TCP11: variants seen among roughly 807,000 people sequenced by gnomAD.
TCP11 encodes t-complex 11.
Under a neutral mutation model 45.0 loss-of-function variants are expected in TCP11, and 34 were observed. The ratio of observed to expected loss-of-function variants is 0.76; its 90% CI spans 0.57 to 1.01. TCP11 has a LOEUF of 1.01. Ranked by LOEUF, TCP11 falls within the 50% of genes least tolerant of loss-of-function variation. The pLI is 0.00. For synonymous variants in TCP11, 227 were observed against 227.0 expected, an observed-to-expected ratio of 1.00 and a Z score of 0.00; for missense variants, 523 against 598.1, an observed-to-expected ratio of 0.87 and a Z score of 1.31.
chr6:35,123,231 G>A (rs1488591440), intron 4 of TCP11, among the ~76,000 whole-genome samples: 1 of 152,122 alleles, frequency 6.6e-6, no homozygotes. Context: ...CTCTTGATTG[G>A]CTCTGACTGG....
chr6:35,126,426 A>G (rs1272047449), intron 4 of TCP11, among the ~76,000 whole-genome samples: 1 of 152,186 alleles, frequency 6.6e-6, no homozygotes, highest in Non-Finnish European at 1.5e-5. Context: ...ACTCCATTGC[A>G]TTGCATCTGC....
rs1232463911 is a variant in TCP11 at position 35,122,125 on chromosome 6, C to T, written c.570G>A (p.Trp190Ter). The T allele has an allele frequency of 3.1e-6, 5 of 1,614,030 alleles. No homozygotes were observed. Among genetic ancestry groups the T allele is most frequent in the African/African-American group, 1.3e-5 (1 of 74,904 alleles). ...QKLENITDPV[W>*]LLRGIFQVLG... is the part of the protein sequence containing the mutation. ...AGTATCAAGTTTCATACCTCAGTAGCCAAACAGGATCCGTAATGTTTTCTA... is the reference window on the plus strand; with the variant it reads ...AGTATCAAGTTTCATACCTCAGTAGTCAAACAGGATCCGTAATGTTTTCTA... The change falls in exon 5 of 10, where the codon TGG (tryptophan) becomes TGA (stop). Residue 190 changes from tryptophan to a stop codon, truncating the protein, a stop_gained. Transcript: ENST00000311875. LOFTEE classifies it high-confidence loss of function.
rs1304221143 is a variant in TCP11, at chr6:35,118,231, T to C, written c.*38A>G. On this transcript the variant is annotated 3_prime_UTR_variant, in exon 10 of 10. Coordinates refer to ENST00000311875, the MANE Select transcript of TCP11 (RefSeq NM_001370687.1). Reference sequence around the variant, plus strand: ...TACTCCAGGAAGATGATGGGCCTCCTCTTGGGTCCAAGGTACCAGGGCTCT... The same window carrying C: ...TACTCCAGGAAGATGATGGGCCTCCCCTTGGGTCCAAGGTACCAGGGCTCT... 2 of 1,566,966 alleles carry C rather than the reference T, an allele frequency of 1.3e-6. No individual in the cohort carries two copies. Among genetic ancestry groups the C allele is most frequent in the Non-Finnish European group, 1.8e-6 (2 of 1,138,284 alleles).
At chr6:35,138,181 T>G in intron 2 of TCP11, among the ~76,000 whole-genome samples, 1 of 151,922 alleles carries the variant, frequency 6.6e-6, no homozygotes, top group South Asian at 2.1e-4. Context: ...AGTTTGGAGG[T>G]TCCTCAAAAA....
chr6:35,127,362 A>C (rs138038195), intron 4 of TCP11, among the ~76,000 whole-genome samples: 2 of 152,318 alleles, frequency 1.3e-5, no homozygotes, highest in Non-Finnish European at 2.9e-5. Context: ...GGTTAATGGA[A>C]AACCACAACA....
chr6:35,118,309 G>A lies in TCP11; in HGVS notation c.1472C>T (p.Ser491Phe), dbSNP rs2127632813. ...TTTTGTTTCCAGTGCCTGGGCTGGG[G>A]AAATGAGGGTTTTTAGGATCTCAGT... ...YYTEILKTLI[S>F]PAQALETKVE... The change falls in exon 10 of 10, where the codon TCC becomes TTC. Residue 491 changes from serine (S) to phenylalanine (F), a missense_variant. Ser to Phe is a radical substitution (Grantham distance 155). Transcript: ENST00000311875. The A allele has an allele frequency of 6.2e-7, 1 of 1,614,196 alleles. No homozygotes were observed. Among genetic ancestry groups the A allele is most frequent in the Non-Finnish European group, 8.5e-7 (1 of 1,180,032 alleles).
chr6:35,138,609 G>A (rs1487192323), intron 2 of TCP11, among the ~76,000 whole-genome samples: 2 of 151,778 alleles, frequency 1.3e-5, no homozygotes, highest in African/African-American at 2.4e-5. Flanking sequence ...GGGGTTGGGG[G>A]GTTGCAGGGA....
chr6:35,134,404 C>G (rs964336866), intron 3 of TCP11, among the ~76,000 whole-genome samples: 1 of 151,742 alleles, frequency 6.6e-6, no homozygotes, highest in Non-Finnish European at 1.5e-5. Context: ...CCTCAGCCTC[C>G]TGAGTAGCTG....
In TCP11 at chr6:35,131,371, C is replaced by T. The variant is rs190598744; in HGVS notation, c.237-2189G>A. Among the ~76,000 whole-genome samples the T allele has an allele frequency of 9.7e-3, 1,479 of 152,160 alleles. 7 individuals are homozygous for T. Among genetic ancestry groups the T allele is most frequent in the Non-Finnish European group, 0.015 (1,049 of 68,010 alleles). On this transcript the variant is annotated intron_variant, in intron 3 of 9. Transcript: ENST00000311875. ...TCACCTGAGGCCAGGAGTTCGAGACCGGCCTGGCCAATATGGCAAAACCCT... is the reference window on the plus strand; with the variant it reads ...TCACCTGAGGCCAGGAGTTCGAGACTGGCCTGGCCAATATGGCAAAACCCT...
chr6:35,131,522 T>G (rs975220668), intron 3 of TCP11, among the ~76,000 whole-genome samples: 6 of 152,078 alleles, frequency 3.9e-5, no homozygotes, highest in Admixed American at 2.6e-4. Context: ...GAGCCGAGAT[T>G]GTGCCACCGC....
At chr6:35,127,213 C>T (rs908842846) in intron 4 of TCP11, among the ~76,000 whole-genome samples, 3 of 152,168 alleles carry the variant, frequency 2.0e-5, no homozygotes, top group Non-Finnish European at 4.4e-5. Context: ...AAAGGAGTTA[C>T]TGTACTGGAT....
intron 3 of TCP11, among the ~76,000 whole-genome samples, chr6:35,133,792 G>GAA (rs960372968): frequency 7.1e-6 from 1 of 140,010 alleles, no homozygotes. Context: ...TTTCATCTCA[G>GAA]AAAAAAAAAA....
rs374423102 is a variant in TCP11, at chr6:35,136,178, A to G, written c.165T>C (p.Val55=). 8.7e-6 allele frequency: 14 copies of G among 1,613,438 alleles called. No individual in the cohort carries two copies. The highest frequency in any genetic ancestry group is 1.2e-5 in the Non-Finnish European group (14 of 1,179,806). ...VTGLTETVNE[V]SKLSNKIGMN... The stretch of plus-strand genomic sequence containing the variant: ...TCCCAATCTTGTTGCTCAGCTTGGA[A>G]ACTTCATTAACGGTTTCTGTCAGAC... Residue 55 remains valine, a synonymous_variant, in exon 3 of 10, where the codon GTT becomes GTC. Coordinates refer to ENST00000311875, the MANE Select transcript of TCP11 (RefSeq NM_001370687.1).
At position 35,135,960 on chromosome 6, in the gene TCP11, T is replaced by C. The variant is rs940865904; in HGVS notation, c.236+147A>G. On this transcript the variant is annotated intron_variant, in intron 3 of 9. Coordinates refer to ENST00000311875, the MANE Select transcript of TCP11 (RefSeq NM_001370687.1). ...TTTGGTACTAATAATTACAACTTAG[T>C]ACTCTTCTGTTTAAGTTGTTGAGAC... 2.1e-5 allele frequency: 11 copies of C among 534,484 alleles called. No homozygotes were observed. The African/African-American group carries it at 2.1e-4, about 10-fold the overall frequency. 33.1% of individuals were successfully genotyped at this position (534,484 alleles called of 1,614,324 possible).
rs1190707828 is a variant in TCP11, at chr6:35,124,103, A to AT, written c.358-1767dup. Among the ~76,000 whole-genome samples, 3 of 152,130 alleles carry AT rather than the reference A, an allele frequency of 2.0e-5. No homozygotes were observed. The East Asian group carries it at 5.8e-4, about 29-fold the overall frequency. On this transcript the variant is annotated intron_variant, in intron 4 of 9. Transcript: ENST00000311875. ...GCCACCACAGCCAGCCCCTTTTCGG[A>AT]TTTTTGAGGCAACATGCACCACATT... is the stretch of plus-strand genomic sequence containing the variant.
intron 3 of TCP11, among the ~76,000 whole-genome samples, chr6:35,134,054 G>C (rs1250061019): frequency 6.6e-6 from 1 of 152,066 alleles, no homozygotes; most frequent in Non-Finnish European, 1.5e-5. Context: ...CTTTATCTGT[G>C]CCTGTTTAGT....
chr6:35,121,142 G>A, intron 5 of TCP11, 97 bp from the exon 6 acceptor site: 2 of 1,378,676 alleles, frequency 1.5e-6, no homozygotes, highest in South Asian at 3.6e-5. Flanking sequence ...AGGGGCTTAA[G>A]ACTAACTTAG....
Position 35,140,844 on chromosome 6 carries a change from G to C in TCP11, c.27C>G (p.Pro9=). The part of the protein sequence containing the change: MPDVKESV[P]PKYPGDSEGR... ...CCTCTGAGTCGCCAGGATATTTCGGGGGCACACTCTCCTTGACGTCTGGCA... is the reference window on the plus strand; with the variant it reads ...CCTCTGAGTCGCCAGGATATTTCGGCGGCACACTCTCCTTGACGTCTGGCA... Residue 9 remains proline (P), a synonymous_variant, in exon 2 of 10, where the codon CCC becomes CCG. Transcript: ENST00000311875. 1 of 1,570,398 alleles carries C rather than the reference G, an allele frequency of 6.4e-7. No homozygotes were observed. The highest frequency in any genetic ancestry group is 8.6e-7 in the Non-Finnish European group (1 of 1,161,888).
chr6:35,137,933 T>A (rs1264246229), intron 2 of TCP11: 4 of 391,220 alleles, frequency 1.0e-5, no homozygotes, highest in African/African-American at 8.5e-5. Flanking sequence ...TAAAAAGATT[T>A]GAAAATGTAA....
Sources: gnomAD v4.1 joint callset for allele counts (sites outside exome capture counted in the v4.1 genomes callset) on GRCh38, gnomAD v4.1.1 for gene constraint, MANE v1.5 for transcripts, NCBI Gene and HGNC (gene_info 2026-07-23, HGNC 2026-07-21) for gene names.